Variants in PLPPR5 observed in about 807,000 individuals in gnomAD.
PLPPR5 encodes the protein phospholipid phosphatase-related protein type 5.
PLPPR5 carries 16 observed loss-of-function variants against 33.9 expected under a neutral mutation model. The observed-to-expected ratio is 0.47, with a 90% confidence interval of 0.32 to 0.72. The LOEUF is 0.72. PLPPR5 is among the 30% of genes least tolerant of loss of function. PLPPR5 has a pLI of 0.03. For missense variants in PLPPR5, 301 were observed against 406.7 expected, an observed-to-expected ratio of 0.74 and a Z score of 2.23; for synonymous variants, 163 against 150.3, an observed-to-expected ratio of 1.08 and a Z score of -0.62.
intron 1 of PLPPR5, among the ~76,000 whole-genome samples, chr1:98,982,712 T>G (rs1652099825): frequency 6.6e-6 from 1 of 152,170 alleles, no homozygotes; most frequent in South Asian, 2.1e-4. Context: ...TTGACAGTTC[T>G]TGCAACCTAA....
chr1:98,929,295 A>G (rs1346522429), intron 3 of PLPPR5, among the ~76,000 whole-genome samples: 3 of 152,258 alleles, frequency 2.0e-5, no homozygotes, highest in African/African-American at 7.2e-5. Flanking sequence ...TGATTAGAAT[A>G]AATTAAATGG....
chr1:98,951,207 C>T (rs992338094), intron 3 of PLPPR5, among the ~76,000 whole-genome samples: 4 of 152,188 alleles, frequency 2.6e-5, no homozygotes, highest in African/African-American at 9.7e-5. Flanking sequence ...CTGATTCACT[C>T]AAGTTTCAAT....
chr1:98,932,222 C>T (rs1460096449), intron 3 of PLPPR5, among the ~76,000 whole-genome samples: 7 of 152,172 alleles, frequency 4.6e-5, no homozygotes, highest in Non-Finnish European at 7.3e-5. Context: ...TGGTAGTCCA[C>T]GATTAATAAT....
intron 3 of PLPPR5, among the ~76,000 whole-genome samples, chr1:98,946,509 G>T (rs1650558010): frequency 6.6e-6 from 1 of 152,086 alleles, no homozygotes; most frequent in Non-Finnish European, 1.5e-5. Context: ...GTTTCTGATT[G>T]TTTCAGTGTT....
At chr1:98,950,130 G>A (rs1301222584) in intron 3 of PLPPR5, among the ~76,000 whole-genome samples, 1 of 152,056 alleles carries the variant, frequency 6.6e-6, no homozygotes, top group East Asian at 1.9e-4. Flanking sequence ...CAGAAACATC[G>A]CCACCAGAAA....
intron 3 of PLPPR5, among the ~76,000 whole-genome samples, chr1:98,926,624 A>C (rs190597453): frequency 6.6e-6 from 1 of 152,256 alleles, no homozygotes; most frequent in Admixed American, 6.5e-5. Context: ...TTGTTCAAAA[A>C]GTCAAATTTA....
At chr1:98,995,910 A>T (rs918429315) in intron 1 of PLPPR5, among the ~76,000 whole-genome samples, 2 of 152,122 alleles carry the variant, frequency 1.3e-5, no homozygotes, top group Non-Finnish European at 2.9e-5. Flanking sequence ...AGTAAAAATA[A>T]CCTAAAAGCT....
At chr1:98,946,363 G>A (rs1650550279) in intron 3 of PLPPR5, among the ~76,000 whole-genome samples, 1 of 152,110 alleles carries the variant, frequency 6.6e-6, no homozygotes, top group Non-Finnish European at 1.5e-5. Flanking sequence ...TCATTTCTCA[G>A]TTCCACATTG....
At chr1:98,935,338 A>G (rs998157420) in intron 3 of PLPPR5, among the ~76,000 whole-genome samples, 5 of 152,172 alleles carry the variant, frequency 3.3e-5, no homozygotes, top group Admixed American at 6.5e-5. Flanking sequence ...GCTATTAGGA[A>G]ATTTTTATTA....
chr1:98,921,253 G>A (rs1649542035), intron 4 of PLPPR5, among the ~76,000 whole-genome samples: 1 of 152,172 alleles, frequency 6.6e-6, no homozygotes, highest in Admixed American at 6.5e-5. Context: ...AAGTCACTGT[G>A]TATGCTCTTT....
intron 3 of PLPPR5, among the ~76,000 whole-genome samples, chr1:98,948,038 C>T (rs1416387148): frequency 1.3e-5 from 2 of 152,144 alleles, no homozygotes; most frequent in Non-Finnish European, 2.9e-5. Flanking sequence ...ATGATGGCAG[C>T]CTGGAGCTTT....
At position 98,890,320 on chromosome 1, in the gene PLPPR5, T is replaced by A. The variant is rs1165435983; in HGVS notation, c.*2752A>T. ...AGCAGAGAATTATTTCCTCCCCTAC[T>A]GTTCTTTCACAAAGGAAACTGTATG... On this transcript the variant is annotated 3_prime_UTR_variant, in exon 6 of 6. Transcript: ENST00000263177. 6.6e-6 allele frequency: 1 copy of A among 152,570 alleles called. No individual in the cohort carries two copies. Among genetic ancestry groups the A allele is most frequent in the East Asian group, 1.9e-4 (1 of 5,196 alleles). 9.5% of individuals were successfully genotyped at this position (152,570 alleles called of 1,614,324 possible). A position where few individuals can be genotyped will look rare whatever the true frequency, so the allele number is the denominator to read the frequency against.
intron 2 of PLPPR5, among the ~76,000 whole-genome samples, chr1:98,953,998 T>C (rs1027608076): frequency 2.8e-4 from 43 of 152,336 alleles, no homozygotes; most frequent in African/African-American, 9.1e-4. Context: ...TGTGGGCTAT[T>C]TAGTAAACAA....
At chr1:98,973,299 T>C (rs1039403333) in intron 1 of PLPPR5, among the ~76,000 whole-genome samples, 1 of 149,216 alleles carries the variant, frequency 6.7e-6, no homozygotes, top group Non-Finnish European at 1.5e-5. Flanking sequence ...TGCAATGCCA[T>C]GTTGGTAAAT....
chr1:98,928,768 G>C (rs979091030), intron 3 of PLPPR5, among the ~76,000 whole-genome samples: 6 of 151,328 alleles, frequency 4.0e-5, no homozygotes, highest in Non-Finnish European at 5.9e-5. Context: ...GGCTGCCTGA[G>C]CTGCGTTAGG....
intron 3 of PLPPR5, among the ~76,000 whole-genome samples, chr1:98,947,267 C>A (rs1650590403): frequency 6.6e-6 from 1 of 152,164 alleles, no homozygotes; most frequent in Admixed American, 6.5e-5. Flanking sequence ...TTTGGCAACA[C>A]TGGTGATCTC....
At chr1:98,945,176 C>T (rs890905408) in intron 3 of PLPPR5, among the ~76,000 whole-genome samples, 1 of 152,140 alleles carries the variant, frequency 6.6e-6, no homozygotes, top group Non-Finnish European at 1.5e-5. Context: ...AGCTCTTTAA[C>T]ACCTTAGATG....
chr1:98,978,767 A>G (rs1010021410), intron 1 of PLPPR5, among the ~76,000 whole-genome samples: 1 of 152,074 alleles, frequency 6.6e-6, no homozygotes, highest in African/African-American at 2.4e-5. Flanking sequence ...ATTAGCTTCT[A>G]TACAATGAAC....
chr1:99,000,975 T>C (rs866705104), intron 1 of PLPPR5, among the ~76,000 whole-genome samples: 1 of 152,150 alleles, frequency 6.6e-6, no homozygotes, highest in African/African-American at 2.4e-5. Context: ...ATAATGTTAA[T>C]GATGTAGTGA....
Sources: allele counts gnomAD v4.1 joint callset (sites outside exome capture counted in the v4.1 genomes callset), GRCh38; gene constraint gnomAD v4.1.1; transcripts MANE v1.5; gene names NCBI Gene and HGNC (gene_info 2026-07-23, HGNC 2026-07-21).